The following FAM3C variants were observed in gnomAD, a reference collection of about 807,000 sequenced individuals.
The protein encoded by FAM3C is protein FAM3C.
FAM3C carries 15 observed loss-of-function variants against 32.5 expected under a neutral mutation model. That is an observed-to-expected ratio of 0.46 (90% CI 0.31 to 0.71). The LOEUF (loss-of-function observed/expected upper bound fraction) is 0.71. Ranked by LOEUF, FAM3C falls within the 30% of genes least tolerant of loss-of-function variation. The pLI is 0.05. For synonymous variants in FAM3C, 75 were observed against 86.1 expected, an observed-to-expected ratio of 0.87 and a Z score of 0.72; for missense variants, 175 against 274.4, an observed-to-expected ratio of 0.64 and a Z score of 2.56.
chr7:121,387,907 T>C (rs1794494995), intron 1 of FAM3C, among the ~76,000 whole-genome samples: 1 of 152,104 alleles, frequency 6.6e-6, no homozygotes, highest in African/African-American at 2.4e-5. Context: ...GTTATTACTA[T>C]TGCACATGCA....
chr7:121,394,230 G>A (rs866323014), intron 1 of FAM3C, among the ~76,000 whole-genome samples: 21 of 152,252 alleles, frequency 1.4e-4, no homozygotes, highest in African/African-American at 4.3e-4. Context: ...GAAAATATAT[G>A]AGTCTTCTGA....
chr7:121,355,438 C>A (rs1793786952), intron 8 of FAM3C, among the ~76,000 whole-genome samples: 1 of 152,008 alleles, frequency 6.6e-6, no homozygotes, highest in East Asian at 1.9e-4. Context: ...TGAATTCCTA[C>A]CAAAATCCTT....
chr7:121,356,514 A>G (rs925021372), intron 8 of FAM3C, among the ~76,000 whole-genome samples: 2 of 152,202 alleles, frequency 1.3e-5, no homozygotes, highest in African/African-American at 4.8e-5. Flanking sequence ...ATTTAGAGGG[A>G]GACCACTCTG....
chr7:121,387,546 C>G (rs776524387), intron 1 of FAM3C, among the ~76,000 whole-genome samples: 18 of 152,142 alleles, frequency 1.2e-4, no homozygotes, highest in South Asian at 2.1e-4. Context: ...TGAGAAACAA[C>G]AGAATGGATC....
At chr7:121,383,963 C>T (rs181032257) in intron 1 of FAM3C, among the ~76,000 whole-genome samples, 1 of 152,092 alleles carries the variant, frequency 6.6e-6, no homozygotes, top group African/African-American at 2.4e-5. Context: ...ATATTGTTGC[C>T]TGATCTAGTA....
At chr7:121,355,732 G>A (rs1280358377) in intron 8 of FAM3C, among the ~76,000 whole-genome samples, 1 of 152,204 alleles carries the variant, frequency 6.6e-6, no homozygotes, top group Non-Finnish European at 1.5e-5. Context: ...ACTGGCAACT[G>A]TTTGAAAAGT....
intron 1 of FAM3C, among the ~76,000 whole-genome samples, chr7:121,392,359 C>A (rs879724075): frequency 3.3e-5 from 5 of 152,048 alleles, no homozygotes; most frequent in African/African-American, 1.2e-4. Context: ...AAACAGACAC[C>A]TTTTTCACAA....
At chr7:121,357,527 A>G (rs965900447) in intron 8 of FAM3C, among the ~76,000 whole-genome samples, 6 of 152,160 alleles carry the variant, frequency 3.9e-5, no homozygotes, top group Non-Finnish European at 7.4e-5. Flanking sequence ...TTAGATGTAG[A>G]TTGCCTTTCT....
intron 1 of FAM3C, among the ~76,000 whole-genome samples, chr7:121,388,946 C>A (rs1345761789): frequency 6.6e-6 from 1 of 152,100 alleles, no homozygotes; most frequent in African/African-American, 2.4e-5. Flanking sequence ...TTTCATTTGG[C>A]GCTCCTGACA....
chr7:121,371,168 C>T (rs1484610158), intron 5 of FAM3C, 132 bp downstream of exon 5: 29 of 1,122,832 alleles, frequency 2.6e-5, no homozygotes, highest in Non-Finnish European at 3.7e-5. Context: ...AAAAAAACTA[C>T]ATAACAAAAA....
intron 3 of FAM3C, among the ~76,000 whole-genome samples, chr7:121,375,013 G>C (rs117302691): frequency 0.011 from 1,630 of 152,218 alleles, 12 homozygotes; most frequent in Non-Finnish European, 0.017. Flanking sequence ...GCAGCACCCA[G>C]TGCTAGATGC....
At chr7:121,364,762 C>T (rs1793992594) in intron 5 of FAM3C, among the ~76,000 whole-genome samples, 1 of 152,036 alleles carries the variant, frequency 6.6e-6, no homozygotes, top group Non-Finnish European at 1.5e-5. Context: ...GTGGTGACTA[C>T]CTGAAATAAT....
intron 5 of FAM3C, 40 bp from the exon 6 acceptor site, chr7:121,364,228 T>C (rs1793980449): frequency 7.8e-7 from 1 of 1,280,404 alleles, no homozygotes; most frequent in Non-Finnish European, 1.1e-6. Flanking sequence ...GAATTAAATA[T>C]TGTACAATAA....
chr7:121,360,966 A>G (rs988318846), intron 7 of FAM3C, among the ~76,000 whole-genome samples: 4 of 152,246 alleles, frequency 2.6e-5, no homozygotes, highest in Non-Finnish European at 5.9e-5. Context: ...GAAAATCTAA[A>G]AATACATATA....
intron 3 of FAM3C, among the ~76,000 whole-genome samples, chr7:121,375,533 A>G (rs1411798939): frequency 1.3e-5 from 2 of 152,228 alleles, no homozygotes; most frequent in African/African-American, 4.8e-5. Flanking sequence ...GTGGTGAGAT[A>G]GGCAGATATC....
chr7:121,371,605 A>T (rs1255859062), intron 4 of FAM3C, among the ~76,000 whole-genome samples, 182 bp from the exon 5 acceptor site: 1 of 152,204 alleles, frequency 6.6e-6, no homozygotes, highest in East Asian at 1.9e-4. Flanking sequence ...TTTTTTAAAA[A>T]AAAACAGCAA....
intron 7 of FAM3C, among the ~76,000 whole-genome samples, chr7:121,361,681 C>G (rs1793926749): frequency 2.6e-5 from 4 of 152,084 alleles, no homozygotes; most frequent in Admixed American, 2.6e-4. Context: ...TACACGGCAT[C>G]TTTTGTTTTT....
At chr7:121,389,209 A>AG (rs1794529160) in intron 1 of FAM3C, among the ~76,000 whole-genome samples, 1 of 152,178 alleles carries the variant, frequency 6.6e-6, no homozygotes, top group African/African-American at 2.4e-5. Flanking sequence ...AAGTATTCCA[A>AG]CATGATTCAT....
At chr7:121,385,447 A>G (rs1794447078) in intron 1 of FAM3C, among the ~76,000 whole-genome samples, 1 of 152,214 alleles carries the variant, frequency 6.6e-6, no homozygotes, top group African/African-American at 2.4e-5. Flanking sequence ...TCGCTGGACA[A>G]TGAAACACTG....
Sources: gnomAD v4.1 joint callset for allele counts (sites outside exome capture counted in the v4.1 genomes callset) on GRCh38, gnomAD v4.1.1 for gene constraint, MANE v1.5 for transcripts, NCBI Gene and HGNC (gene_info 2026-07-23, HGNC 2026-07-21) for gene names.